The following OXNAD1 variants were observed in gnomAD, a reference collection of about 807,000 sequenced individuals.
OXNAD1 encodes the protein oxidoreductase NAD binding domain containing 1.
Under a neutral mutation model 32.9 loss-of-function variants are expected in OXNAD1, and 34 were observed. That is an observed-to-expected ratio of 1.03 (90% CI 0.79 to 1.38). The LOEUF is 1.38. Ranked by LOEUF, OXNAD1 falls within the 40% of genes most tolerant of loss-of-function variation. OXNAD1 has a pLI of 0.00. For missense variants in OXNAD1, 407 were observed against 379.4 expected (o/e 1.07, Z -0.60); for synonymous variants, 134 against 135.2 (o/e 0.99, Z 0.06).
chr3:16,313,162 T>C (rs973848528), intron 9 of OXNAD1, among the ~76,000 whole-genome samples: 34 of 150,702 alleles, frequency 2.3e-4, no homozygotes, highest in African/African-American at 8.1e-4. Context: ...TCTCTCACTT[T>C]AGCCTCCCAA....
chr3:16,266,857 A>C (rs1480131136), intron 1 of OXNAD1, among the ~76,000 whole-genome samples: 1 of 152,140 alleles, frequency 6.6e-6, no homozygotes, highest in Non-Finnish European at 1.5e-5. Context: ...TGGCGTGGGT[A>C]ATGTTAAAAT....
rs2065452929 is a variant in OXNAD1 at position 16,277,743 on chromosome 3, A to G, written c.183+6021A>G. ...TTTTGGGCATGTATTTCCTCTGGAA[A>G]GTTTACTGAATGACCATTTATGATG... On this transcript the variant is annotated intron_variant, in intron 4 of 8. Coordinates refer to ENST00000285083, the MANE Select transcript of OXNAD1 (RefSeq NM_138381.5). This position sits in a 1 kb window ranked among gnomAD's most constrained non-coding sequence, Gnocchi z 4.3. Among the ~76,000 whole-genome samples the G allele has an allele frequency of 6.6e-6, 1 of 152,224 alleles. No individual in the cohort carries two copies. Among genetic ancestry groups the G allele is most frequent in the Admixed American group, 6.5e-5 (1 of 15,270 alleles).
intron 9 of OXNAD1, chr3:16,315,504 A>G (rs527718647): frequency 7.7e-4 from 117 of 152,314 alleles, no homozygotes; most frequent in African/African-American, 2.7e-3. Flanking sequence ...TGCCTCACTA[A>G]TTTACTTAAA....
downstream of OXNAD1, among the ~76,000 whole-genome samples, chr3:16,307,118 TCTTTC>T (rs1231990406): frequency 2.6e-5 from 4 of 152,248 alleles, no homozygotes; most frequent in Admixed American, 6.5e-5. Flanking sequence ...ATGCTTGATT[TCTTTC>T]ATTTATCAGT....
Position 16,301,061 on chromosome 3 carries a change from C to A in OXNAD1, c.433-565C>A, listed in dbSNP as rs541810720. Among the ~76,000 whole-genome samples the A allele has an allele frequency of 6.6e-6, 1 of 152,186 alleles. No individual in the cohort carries two copies. Among genetic ancestry groups the A allele is most frequent in the Admixed American group, 6.5e-5 (1 of 15,274 alleles). The stretch of plus-strand genomic sequence containing the variant: ...AGTATGAAGCCTCTGGCTGCCTGTT[C>A]TTGTTTCTCTAGGGAGACAGGAACA... On this transcript the variant is annotated intron_variant, in intron 6 of 8. Transcript: ENST00000285083. This position sits in a 1 kb window ranked among gnomAD's most constrained non-coding sequence, Gnocchi z 4.1.
Position 16,345,786 on chromosome 3 carries a change from C to G in OXNAD1, c.*31-3390C>G, listed in dbSNP as rs1426624385. ...CATGAGCCAAAACCTTATAATAAAT[C>G]TCTGTGTGTGTGTGTGTGTGTGTGT... On this transcript the variant is annotated intron_variant, in intron 9 of 9. Transcript: ENST00000606098. The surrounding 1 kb of genome is among the most constrained non-coding windows in gnomAD (Gnocchi z 5.2). Among the ~76,000 whole-genome samples the G allele has an allele frequency of 3.7e-5, 3 of 81,644 alleles. No homozygotes were observed. The East Asian group carries it at 1.1e-3, about 31-fold the overall frequency. 53.6% of individuals were successfully genotyped at this position (81,644 alleles called of 152,430 possible). A position where few individuals can be genotyped will look rare whatever the true frequency, so the allele number is the denominator to read the frequency against.
intron 9 of OXNAD1, among the ~76,000 whole-genome samples, chr3:16,331,850 A>G (rs995395433): frequency 6.6e-6 from 1 of 152,208 alleles, no homozygotes; most frequent in African/African-American, 2.4e-5. Flanking sequence ...GAATCCGTGC[A>G]TTTCTAAAAA....
At position 16,289,694 on chromosome 3, in the gene OXNAD1, T is replaced by A. The variant is rs1036012844; in HGVS notation, c.290+3246T>A. Reference sequence around the variant, plus strand: ...GTATTCCTTGGCATCTTTTTCAAACTGTGTCCTCCCCCATTACTCATCTGG... The same window carrying A: ...GTATTCCTTGGCATCTTTTTCAAACAGTGTCCTCCCCCATTACTCATCTGG... On this transcript the variant is annotated intron_variant, in intron 5 of 8. Coordinates refer to ENST00000285083, the MANE Select transcript of OXNAD1 (RefSeq NM_138381.5). This position sits in a 1 kb window ranked among gnomAD's most constrained non-coding sequence, Gnocchi z 4.9. Among the ~76,000 whole-genome samples the A allele has an allele frequency of 2.0e-5, 3 of 151,974 alleles. No homozygotes were observed. The highest frequency in any genetic ancestry group is 1.3e-4 in the Admixed American group (2 of 15,248).
At chr3:16,279,780 C>G (rs1044352115) in intron 4 of OXNAD1, among the ~76,000 whole-genome samples, 3 of 151,988 alleles carry the variant, frequency 2.0e-5, no homozygotes, top group African/African-American at 7.3e-5. Flanking sequence ...AGTGGGTGAC[C>G]AGAATGACTG....
chr3:16,288,749 C>T lies in OXNAD1; in HGVS notation c.290+2301C>T, dbSNP rs1185860782. Among the ~76,000 whole-genome samples the T allele has an allele frequency of 3.3e-5, 5 of 152,190 alleles. No individual in the cohort carries two copies. The highest frequency in any genetic ancestry group is 7.3e-5 in the Non-Finnish European group (5 of 68,030). On this transcript the variant is annotated intron_variant, in intron 5 of 8. Coordinates refer to ENST00000285083, the MANE Select transcript of OXNAD1 (RefSeq NM_138381.5). The surrounding 1 kb of genome is among the most constrained non-coding windows in gnomAD (Gnocchi z 5.1). ...TGGTTCATCTTACTAGTAGGCCTACCACTTGCTAGCTCCTTGGTGAGGCCT... is the reference window on the plus strand; with the variant it reads ...TGGTTCATCTTACTAGTAGGCCTACTACTTGCTAGCTCCTTGGTGAGGCCT...
chr3:16,281,895 C>CT (rs1213407558), intron 4 of OXNAD1, among the ~76,000 whole-genome samples: 13,308 of 110,538 alleles, frequency 0.12, 1,083 homozygotes, highest in Middle Eastern at 0.17. Flanking sequence ...AATAACATTT[C>CT]TTTTTTTTTT....
chr3:16,271,794 T>C lies in OXNAD1; in HGVS notation c.183+72T>C, dbSNP rs1055591922. ...CATGTGGTTATGACTGGCTTATGGG[T>C]AAAGCATTAGATGAGTCTGGTCCTT... On this transcript the variant is annotated intron_variant, in intron 4 of 8. Transcript: ENST00000285083. The surrounding 1 kb of genome is among the most constrained non-coding windows in gnomAD (Gnocchi z 4.6). 3 of 1,325,842 alleles carry C rather than the reference T, an allele frequency of 2.3e-6. No homozygotes were observed. Among genetic ancestry groups the C allele is most frequent in the Non-Finnish European group, 3.2e-6 (3 of 952,204 alleles). The allele number at this position is 1,325,842 out of a possible 1,614,324, so 82.1% of individuals were successfully genotyped here.
chr3:16,347,984 A>G (rs1187124318), intron 9 of OXNAD1: 2 of 152,210 alleles, frequency 1.3e-5, no homozygotes, highest in African/African-American at 2.4e-5. Context: ...AATTTTAAGA[A>G]CATCCCGTGA....
At chr3:16,325,402 CAG>C (rs763836978) in intron 9 of OXNAD1, among the ~76,000 whole-genome samples, 8 of 152,314 alleles carry the variant, frequency 5.3e-5, no homozygotes, top group Middle Eastern at 3.4e-3. Context: ...AGGTCTGAGA[CAG>C]AGAGACCTGT....
exon 10 of OXNAD1, chr3:16,350,187 A>G (rs2125316418): frequency 6.6e-6 from 1 of 152,328 alleles, no homozygotes. Context: ...AATTCCTTCC[A>G]TGTCAGCTTA....
In OXNAD1 at chr3:16,314,718, T is replaced by C. The variant is rs754178938; in HGVS notation, c.*30+11126T>C. 2 of 152,144 alleles carry C rather than the reference T, an allele frequency of 1.3e-5. No individual in the cohort carries two copies. The highest frequency in any genetic ancestry group is 2.9e-5 in the Non-Finnish European group (2 of 68,014). The allele number at this position is 152,144 out of a possible 1,614,324, so 9.4% of individuals were successfully genotyped here. On this transcript the variant is annotated intron_variant, in intron 9 of 9. Transcript: ENST00000435829. The surrounding 1 kb of genome is among the most constrained non-coding windows in gnomAD (Gnocchi z 4.4). ...AATTATTGTCACCTTTTTTTCCCCATAGCAAATACAGCCAACATAAATGTC... is the reference window on the plus strand; with the variant it reads ...AATTATTGTCACCTTTTTTTCCCCACAGCAAATACAGCCAACATAAATGTC...
intron 4 of OXNAD1, among the ~76,000 whole-genome samples, chr3:16,283,909 A>G (rs984198311): frequency 2.6e-5 from 4 of 152,306 alleles, no homozygotes; most frequent in Non-Finnish European, 5.9e-5. Flanking sequence ...GAGACTGGAC[A>G]TTGAGTTTGG....
rs1220313211 is a variant in OXNAD1, at chr3:16,321,708, A to G, written c.*31-15404A>G. Reference sequence around the variant, plus strand: ...GCAGGAAATAATTAGGTACATGGAAAGAGAAAGCAGTCCACCCAGATGAGT... The same window carrying G: ...GCAGGAAATAATTAGGTACATGGAAGGAGAAAGCAGTCCACCCAGATGAGT... On this transcript the variant is annotated intron_variant, in intron 9 of 9. Transcript: ENST00000435829. The surrounding 1 kb of genome is among the most constrained non-coding windows in gnomAD (Gnocchi z 4.8). Among the ~76,000 whole-genome samples, 4 of 152,220 alleles carry G rather than the reference A, an allele frequency of 2.6e-5. No individual in the cohort carries two copies. The highest frequency in any genetic ancestry group is 9.6e-5 in the African/African-American group (4 of 41,456).
chr3:16,313,900 G>T (rs1349180550), intron 9 of OXNAD1, among the ~76,000 whole-genome samples: 1 of 152,122 alleles, frequency 6.6e-6, no homozygotes, highest in Non-Finnish European at 1.5e-5. Flanking sequence ...CTTTCTTTAA[G>T]CAGATTAGAT....
Sources: allele counts gnomAD v4.1 joint callset (sites outside exome capture counted in the v4.1 genomes callset), GRCh38; gene constraint gnomAD v4.1.1; non-coding constraint Gnocchi (gnomAD v3.1); transcripts MANE v1.5; gene names NCBI Gene and HGNC (gene_info 2026-07-23, HGNC 2026-07-21).